The following EXOC4 variants were observed in gnomAD, a reference collection of about 807,000 sequenced individuals.
EXOC4 encodes SEC8-like 1.
EXOC4 carries 71 observed loss-of-function variants against 107.2 expected under a neutral mutation model. The ratio of observed to expected loss-of-function variants is 0.66; its 90% CI spans 0.55 to 0.81. The LOEUF is 0.81. Among genes scored for constraint, EXOC4 ranks in the 30% least tolerant of loss-of-function variants. The probability of loss-of-function intolerance (pLI) is 0.00; values close to 1 mark genes in which losing one functional copy is unlikely to be tolerated. For synonymous variants in EXOC4, 456 were observed against 441.2 expected (o/e 1.03, Z -0.42); for missense variants, 1,108 against 1,189.6 (o/e 0.93, Z 1.01).
chr7:133,548,288 T>A (rs187540242), intron 9 of EXOC4, among the ~76,000 whole-genome samples: 8 of 152,228 alleles, frequency 5.3e-5, no homozygotes, highest in African/African-American at 1.7e-4. Context: ...TCCACTTCTA[T>A]TTATAGAGAA....
At chr7:133,854,647 G>T (rs1798310533) in intron 11 of EXOC4, among the ~76,000 whole-genome samples, 1 of 151,744 alleles carries the variant, frequency 6.6e-6, no homozygotes, top group African/African-American at 2.4e-5. Flanking sequence ...CACAAGCACA[G>T]CCATCAGCAA....
rs1795927877 is a variant in EXOC4, at chr7:134,056,522, G to T, written c.2688-7769G>T. ...ATATTTATAAAAACCTTCAAAATGGGAGAAGGAGTTGAGCAGACTTCTTAA... is the reference window on the plus strand; with the variant it reads ...ATATTTATAAAAACCTTCAAAATGGTAGAAGGAGTTGAGCAGACTTCTTAA... On this transcript the variant is annotated intron_variant, in intron 17 of 17. Coordinates refer to ENST00000253861, the MANE Select transcript of EXOC4 (RefSeq NM_021807.4). Among the ~76,000 whole-genome samples the T allele has an allele frequency of 1.3e-5, 2 of 152,182 alleles. 1 individual carries two copies. Among genetic ancestry groups the T allele is most frequent in the South Asian group, 4.1e-4 (2 of 4,828 alleles).
At position 133,400,907 on chromosome 7, in the gene EXOC4, G is replaced by A. The variant is rs192230179; in HGVS notation, c.1182+25905G>A. ...GAGAAGACAGAATTTGAAAACAGAA[G>A]GACAGAGAAAATGAAAAGGTATGAG... On this transcript the variant is annotated intron_variant, in intron 7 of 17. Coordinates refer to ENST00000253861, the MANE Select transcript of EXOC4 (RefSeq NM_021807.4). Among the ~76,000 whole-genome samples the A allele has an allele frequency of 4.2e-4, 64 of 152,246 alleles. 1 individual carries two copies. The East Asian group carries it at 0.012, about 28-fold the overall frequency.
intron 12 of EXOC4, among the ~76,000 whole-genome samples, chr7:133,907,666 C>T (rs1799597690): frequency 6.6e-6 from 1 of 152,114 alleles, no homozygotes; most frequent in Non-Finnish European, 1.5e-5. Context: ...TGGTAAAACC[C>T]CATCTCTACT....
intron 7 of EXOC4, among the ~76,000 whole-genome samples, chr7:133,395,642 C>G (rs1359082442): frequency 6.6e-6 from 1 of 151,914 alleles, no homozygotes; most frequent in Non-Finnish European, 1.5e-5. Flanking sequence ...TTTTACTGCT[C>G]AGTAGAAAAT....
intron 14 of EXOC4, among the ~76,000 whole-genome samples, chr7:133,983,410 A>G (rs774698254): frequency 3.9e-5 from 6 of 152,220 alleles, no homozygotes; most frequent in South Asian, 2.1e-4. Flanking sequence ...AGCAACTGGA[A>G]AAAGTTAAGT....
intron 10 of EXOC4, among the ~76,000 whole-genome samples, chr7:133,682,253 T>G (rs766835897): frequency 2.6e-5 from 4 of 152,204 alleles, no homozygotes; most frequent in Non-Finnish European, 5.9e-5. Context: ...TTTTATATTA[T>G]CATTTACCAA....
intron 11 of EXOC4, among the ~76,000 whole-genome samples, chr7:133,833,411 C>A (rs893268188): frequency 6.6e-6 from 1 of 152,190 alleles, no homozygotes; most frequent in Non-Finnish European, 1.5e-5. Flanking sequence ...ATAGAGGGAG[C>A]TAAACCCGAA....
intron 10 of EXOC4, among the ~76,000 whole-genome samples, chr7:133,642,921 A>G (rs549145771): frequency 1.1e-4 from 16 of 152,318 alleles, no homozygotes; most frequent in African/African-American, 3.1e-4. Context: ...ATTATCTGAA[A>G]GACATTTTAT....
intron 7 of EXOC4, among the ~76,000 whole-genome samples, chr7:133,392,180 A>G (rs189634934): frequency 1.3e-5 from 2 of 152,316 alleles, no homozygotes; most frequent in African/African-American, 4.8e-5. Context: ...AGGGAAATAG[A>G]CTGAATATCC....
chr7:133,590,052 C>G (rs1231754524), intron 9 of EXOC4, among the ~76,000 whole-genome samples: 1 of 152,006 alleles, frequency 6.6e-6, no homozygotes, highest in Admixed American at 6.6e-5. Context: ...TCCCACCTCA[C>G]AGATTGAATA....
intron 14 of EXOC4, among the ~76,000 whole-genome samples, chr7:133,990,619 C>T (rs1212506668): frequency 6.6e-6 from 1 of 152,052 alleles, no homozygotes; most frequent in Non-Finnish European, 1.5e-5. Flanking sequence ...CCATGCCCAG[C>T]TAATTTTTGT....
At chr7:133,807,308 A>G (rs1797101628) in intron 10 of EXOC4, among the ~76,000 whole-genome samples, 1 of 152,218 alleles carries the variant, frequency 6.6e-6, no homozygotes. Context: ...GTGTCTGTGA[A>G]AGTCACATAA....
At chr7:133,661,157 G>A (rs974973784) in intron 10 of EXOC4, among the ~76,000 whole-genome samples, 3 of 151,998 alleles carry the variant, frequency 2.0e-5, no homozygotes, top group African/African-American at 7.2e-5. Flanking sequence ...ACCTGAGAGG[G>A]GTAAAGGATG....
intron 7 of EXOC4, among the ~76,000 whole-genome samples, chr7:133,389,810 C>T (rs769422146): frequency 3.3e-5 from 5 of 150,962 alleles, no homozygotes; most frequent in Non-Finnish European, 5.9e-5. Flanking sequence ...TAATTGGAAT[C>T]ACAGTTCCAT....
chr7:133,884,824 C>G (rs908077704), intron 11 of EXOC4, among the ~76,000 whole-genome samples: 1 of 152,046 alleles, frequency 6.6e-6, no homozygotes, highest in Non-Finnish European at 1.5e-5. Context: ...TGTCTTAAAA[C>G]TTTAAAATCA....
At chr7:133,425,495 C>T (rs926261488) in intron 7 of EXOC4, among the ~76,000 whole-genome samples, 1 of 152,042 alleles carries the variant, frequency 6.6e-6, no homozygotes, top group Non-Finnish European at 1.5e-5. Context: ...CCATGTTGCC[C>T]AGGCTGGTCT....
chr7:133,547,802 A>G (rs1800511335), intron 9 of EXOC4, among the ~76,000 whole-genome samples: 1 of 152,004 alleles, frequency 6.6e-6, no homozygotes, highest in South Asian at 2.1e-4. Context: ...CATATTTGCA[A>G]TTACTTCCTC....
At chr7:133,509,749 G>A (rs1282296501) in intron 9 of EXOC4, among the ~76,000 whole-genome samples, 1 of 152,168 alleles carries the variant, frequency 6.6e-6, no homozygotes, top group Non-Finnish European at 1.5e-5. Context: ...TTATTTGTAA[G>A]CAAACCTTGC....
Sources: gnomAD v4.1 joint callset for allele counts (sites outside exome capture counted in the v4.1 genomes callset) on GRCh38, gnomAD v4.1.1 for gene constraint, MANE v1.5 for transcripts, NCBI Gene and HGNC (gene_info 2026-07-23, HGNC 2026-07-21) for gene names.